Variants in GALNT15 observed in about 807,000 individuals in gnomAD.
GALNT15 encodes the protein polypeptide N-acetylgalactosaminyltransferase 15.
In GALNT15, 67 loss-of-function variants were observed where a neutral mutation model predicts 66.8. That is an observed-to-expected ratio of 1.00 (90% CI 0.82 to 1.23). GALNT15 has a LOEUF of 1.23. Among genes scored for constraint, GALNT15 ranks in the 50% most tolerant of loss-of-function variants. The pLI is 0.00. For synonymous variants in GALNT15, 313 were observed against 311.5 expected, an observed-to-expected ratio of 1.00 and a Z score of -0.05; for missense variants, 827 against 804.3, an observed-to-expected ratio of 1.03 and a Z score of -0.34.
rs1467007931 is a variant in GALNT15, at chr3:16,224,766, G to A, written c.1773+2008G>A. On this transcript the variant is annotated intron_variant, in intron 9 of 9. Coordinates refer to ENST00000339732, the MANE Select transcript of GALNT15 (RefSeq NM_054110.5). The surrounding 1 kb of genome is among the most constrained non-coding windows in gnomAD (Gnocchi z 5.2). ...ATTCTCCTGCCTCAGCCTCTTTAGT[G>A]GCTGAGATTAGAGGTGCCTGCCACC... is the stretch of plus-strand genomic sequence containing the variant. Among the ~76,000 whole-genome samples, 1 of 151,628 alleles carries A rather than the reference G, an allele frequency of 6.6e-6. No individual in the cohort carries two copies. Among genetic ancestry groups the A allele is most frequent in the Non-Finnish European group, 1.5e-5 (1 of 67,942 alleles).
At position 16,200,793 on chromosome 3, in the gene GALNT15, A is replaced by G; in HGVS notation, c.881A>G (p.Glu294Gly). 1 of 1,610,594 alleles carries G rather than the reference A, an allele frequency of 6.2e-7. No individual in the cohort carries two copies. The highest frequency in any genetic ancestry group is 8.5e-7 in the Non-Finnish European group (1 of 1,178,728). The change falls in exon 3 of 10, where the codon GAG becomes GGG. Residue 294 changes from glutamate to glycine, a missense_variant. By Grantham distance (98) the Glu-to-Gly change is moderately conservative. Coordinates refer to ENST00000339732, the MANE Select transcript of GALNT15 (RefSeq NM_054110.5). The surrounding 1 kb of genome is among the most constrained non-coding windows in gnomAD (Gnocchi z 4.4). ...AHCECHPGWLEPLLSRIAGDR... is the reference protein window; with the variant it reads ...AHCECHPGWLGPLLSRIAGDR... ...TGCGAGTGCCACCCAGGCTGGCTGG[A>G]GCCCCTCCTCAGCAGAATAGCTGGT...
chr3:16,213,452 CAAAA>C (rs3055462), intron 6 of GALNT15, among the ~76,000 whole-genome samples: 5 of 63,828 alleles, frequency 7.8e-5, no homozygotes, highest in African/African-American at 2.1e-4. Flanking sequence ...AACTCCATCT[CAAAA>C]AAAAAAAAAA....
chr3:16,232,475 T>TAAA (rs1559698335), downstream of GALNT15, among the ~76,000 whole-genome samples: 1 of 52,078 alleles, frequency 1.9e-5, no homozygotes, highest in Non-Finnish European at 3.6e-5. Context: ...AATAAATATA[T>TAAA]ATATATATAT....
At position 16,176,887 on chromosome 3, in the gene GALNT15, G is replaced by A. The variant is rs995807762; in HGVS notation, c.539+1197G>A. Among the ~76,000 whole-genome samples, 1 of 152,118 alleles carries A rather than the reference G, an allele frequency of 6.6e-6. No individual in the cohort carries two copies. Among genetic ancestry groups the A allele is most frequent in the Non-Finnish European group, 1.5e-5 (1 of 68,016 alleles). ...GTGTGCAATTGCAGGGTCAGCAGCCGGGAGTGAACATCTCCTTAAATTGTG... is the reference window on the plus strand; with the variant it reads ...GTGTGCAATTGCAGGGTCAGCAGCCAGGAGTGAACATCTCCTTAAATTGTG... On this transcript the variant is annotated intron_variant, in intron 1 of 9. Transcript: ENST00000339732. The surrounding 1 kb of genome is among the most constrained non-coding windows in gnomAD (Gnocchi z 5.6).
chr3:16,185,605 A>G (rs1166044788), intron 1 of GALNT15, among the ~76,000 whole-genome samples: 2 of 152,222 alleles, frequency 1.3e-5, no homozygotes, highest in East Asian at 1.9e-4. Flanking sequence ...TGAAGACCTT[A>G]AGGAATCAGC....
At chr3:16,192,216 CAT>C (rs1032512405) in intron 1 of GALNT15, among the ~76,000 whole-genome samples, 1 of 152,230 alleles carries the variant, frequency 6.6e-6, no homozygotes, top group African/African-American at 2.4e-5. Flanking sequence ...CACACGTGCA[CAT>C]GTGTGTGCAT....
At position 16,227,305 on chromosome 3, in the gene GALNT15, C is replaced by A; in HGVS notation, c.1774-49C>A. 1.3e-6 allele frequency: 2 copies of A among 1,569,964 alleles called. No individual in the cohort carries two copies. The highest frequency in any genetic ancestry group is 1.7e-6 in the Non-Finnish European group (2 of 1,159,640). On this transcript the variant is annotated intron_variant, in intron 9 of 9. Coordinates refer to ENST00000339732, the MANE Select transcript of GALNT15 (RefSeq NM_054110.5). This position sits in a 1 kb window ranked among gnomAD's most constrained non-coding sequence, Gnocchi z 4.5. ...TCTTAAAAATATTTTCTTTTGCTGA[C>A]TGATTGTGGGGGACTGGTTTTCTTT...
In GALNT15 at chr3:16,176,846, C is replaced by T. The variant is rs2124831574; in HGVS notation, c.539+1156C>T. The stretch of plus-strand genomic sequence containing the variant: ...AGTTCCCCTCAGCCTGGCTGCTCAG[C>T]CACTCACACTCGAGGGTGTGCAATT... On this transcript the variant is annotated intron_variant, in intron 1 of 9. Coordinates refer to ENST00000339732, the MANE Select transcript of GALNT15 (RefSeq NM_054110.5). The surrounding 1 kb of genome is among the most constrained non-coding windows in gnomAD (Gnocchi z 5.6). 6.6e-6 allele frequency among the ~76,000 whole-genome samples: 1 copy of T among 152,334 alleles called. No individual in the cohort carries two copies.
At chr3:16,244,667 C>A in the GALNT15 span, among the ~76,000 whole-genome samples, 1 of 152,216 alleles carries the variant, frequency 6.6e-6, no homozygotes, top group Non-Finnish European at 1.5e-5. Context: ...GTAGACAGTG[C>A]AAAGTTGAAT....
intron 6 of GALNT15, among the ~76,000 whole-genome samples, chr3:16,216,579 G>A (rs1471426432): frequency 6.6e-6 from 1 of 152,082 alleles, no homozygotes; most frequent in Non-Finnish European, 1.5e-5. Flanking sequence ...GGACTTGAGC[G>A]ATCAATTAAG....
chr3:16,184,228 C>T lies in GALNT15; in HGVS notation c.539+8538C>T, dbSNP rs911387783. 5.3e-5 allele frequency among the ~76,000 whole-genome samples: 8 copies of T among 152,156 alleles called. No homozygotes were observed. Among genetic ancestry groups the T allele is most frequent in the Non-Finnish European group, 8.8e-5 (6 of 68,038 alleles). On this transcript the variant is annotated intron_variant, in intron 1 of 9. Transcript: ENST00000339732. The surrounding 1 kb of genome is among the most constrained non-coding windows in gnomAD (Gnocchi z 5.0). Reference sequence around the variant, plus strand: ...CAAACCGAGATAGTAAAATATTCACCGGATATTTCGTTGAAGCAGAGAAGT... The same window carrying T: ...CAAACCGAGATAGTAAAATATTCACTGGATATTTCGTTGAAGCAGAGAAGT...
Position 16,175,322 on chromosome 3 carries a change from C to T in GALNT15, c.171C>T (p.Tyr57=). 6.2e-7 allele frequency: 1 copy of T among 1,614,192 alleles called. No homozygotes were observed. Among genetic ancestry groups the T allele is most frequent in the Non-Finnish European group, 8.5e-7 (1 of 1,180,036 alleles). Residue 57 remains tyrosine, a synonymous_variant, in exon 1 of 10, where the codon TAC becomes TAT. Transcript: ENST00000339732. The surrounding 1 kb of genome is among the most constrained non-coding windows in gnomAD (Gnocchi z 5.6). ...QASKHSPEAR[Y]RLDFGESQDW... ...GCAAGCACAGCCCTGAAGCCAGGTACCGCCTGGACTTTGGGGAATCCCAGG... is the reference window on the plus strand; with the variant it reads ...GCAAGCACAGCCCTGAAGCCAGGTATCGCCTGGACTTTGGGGAATCCCAGG...
At chr3:16,217,912 G>A (rs938038229) in intron 6 of GALNT15, among the ~76,000 whole-genome samples, 1 of 152,174 alleles carries the variant, frequency 6.6e-6, no homozygotes, top group Non-Finnish European at 1.5e-5. Context: ...AGAGGAAAAA[G>A]TAATAGATCC....
intron 9 of GALNT15, among the ~76,000 whole-genome samples, chr3:16,223,612 C>G (rs1026683580): frequency 5.3e-5 from 8 of 151,618 alleles, no homozygotes; most frequent in African/African-American, 1.5e-4. Flanking sequence ...TCACAATAAG[C>G]ACTTGAGAAC....
intron 3 of GALNT15, among the ~76,000 whole-genome samples, chr3:16,202,324 G>T (rs1486740870): frequency 1.3e-5 from 2 of 152,114 alleles, no homozygotes; most frequent in East Asian, 3.9e-4. Context: ...ACTAGGACAA[G>T]AACTAGGACA....
chr3:16,201,160 A>AT (rs201186221), intron 3 of GALNT15, among the ~76,000 whole-genome samples: 3 of 142,970 alleles, frequency 2.1e-5, no homozygotes, highest in Non-Finnish European at 4.5e-5. Flanking sequence ...AAATTTGGCA[A>AT]TTTTTTTTTC....
intron 5 of GALNT15, among the ~76,000 whole-genome samples, chr3:16,212,159 G>A (rs1223430101): frequency 6.6e-6 from 1 of 152,204 alleles, no homozygotes; most frequent in Non-Finnish European, 1.5e-5. Context: ...AGCTTCTGGT[G>A]TCTTTGTAGC....
chr3:16,175,301 G>A lies in GALNT15; in HGVS notation c.150G>A (p.Lys50=). 6.2e-7 allele frequency: 1 copy of A among 1,614,216 alleles called. No individual in the cohort carries two copies. The highest frequency in any genetic ancestry group is 8.5e-7 in the Non-Finnish European group (1 of 1,180,042). ...LHQTVTAQAS[K]HSPEARYRLD... ...AGACTGTCACAGCCCAAGCCAGCAA[G>A]CACAGCCCTGAAGCCAGGTACCGCC... Residue 50 remains lysine, a synonymous_variant, in exon 1 of 10, where the codon AAG becomes AAA. Transcript: ENST00000339732. The surrounding 1 kb of genome is among the most constrained non-coding windows in gnomAD (Gnocchi z 5.6).
chr3:16,191,376 T>C lies in GALNT15; in HGVS notation c.540-4384T>C. On this transcript the variant is annotated intron_variant, in intron 1 of 9. Transcript: ENST00000339732. The surrounding 1 kb of genome is among the most constrained non-coding windows in gnomAD (Gnocchi z 5.2). ...ATGGCAGCAAACGCATGGTGCTCACTCTGTGCCACCCACTGTTCTTGGTGC... is the reference window on the plus strand; with the variant it reads ...ATGGCAGCAAACGCATGGTGCTCACCCTGTGCCACCCACTGTTCTTGGTGC... 2 of 971,824 alleles carry C rather than the reference T, an allele frequency of 2.1e-6. No homozygotes were observed. The highest frequency in any genetic ancestry group is 2.4e-6 in the Non-Finnish European group (2 of 817,486). 60.2% of individuals were successfully genotyped at this position (971,824 alleles called of 1,614,324 possible). A position where few individuals can be genotyped will look rare whatever the true frequency, so the allele number is the denominator to read the frequency against.
Sources: gnomAD v4.1 joint callset for allele counts (sites outside exome capture counted in the v4.1 genomes callset) on GRCh38, gnomAD v4.1.1 for gene constraint, Gnocchi (gnomAD v3.1) non-coding constraint, MANE v1.5 for transcripts, NCBI Gene and HGNC (gene_info 2026-07-23, HGNC 2026-07-21) for gene names.